Variants in ELAPOR2 observed in about 807,000 individuals in gnomAD.
ELAPOR2 encodes endosome/lysosome-associated apoptosis and autophagy regulator family member 2.
A neutral mutation model predicts 120.7 loss-of-function variants in ELAPOR2; 89 were observed. The ratio of observed to expected loss-of-function variants is 0.74; its 90% CI spans 0.62 to 0.88. ELAPOR2 has a LOEUF of 0.88. Among genes scored for constraint, ELAPOR2 ranks in the 40% least tolerant of loss-of-function variants. ELAPOR2 has a pLI of 0.00. For missense variants in ELAPOR2, 1,134 were observed against 1,251.6 expected, an observed-to-expected ratio of 0.91 and a Z score of 1.42; for synonymous variants, 444 against 444.9, an observed-to-expected ratio of 1.00 and a Z score of 0.03.
intron 1 of ELAPOR2, among the ~76,000 whole-genome samples, chr7:87,059,102 A>T (rs992939819): frequency 4.6e-5 from 7 of 151,880 alleles, no homozygotes; most frequent in African/African-American, 1.7e-4. Context: ...AAAAGACACA[A>T]GCGCGGACAG....
At chr7:86,880,928 G>A (rs1330828572) in intron 21 of ELAPOR2, among the ~76,000 whole-genome samples, 1 of 151,756 alleles carries the variant, frequency 6.6e-6, no homozygotes, top group Non-Finnish European at 1.5e-5. Flanking sequence ...GATAATATAG[G>A]CAGAATAATA....
In ELAPOR2 at chr7:86,909,898, C is replaced by T. The variant is rs1554383222; in HGVS notation, c.2273G>A (p.Cys758Tyr). ...TTCAGAAGGAATAATTGTTGACTGG[C>T]ATACAAATGCCCCTACCAAATTTGT... ...DYTNLVGAFV[C>Y]QSTIIPSESK... Residue 758 changes from cysteine (C) to tyrosine (Y), a missense_variant, in exon 16 of 22, where the codon TGC (cysteine) becomes TAC (tyrosine). By Grantham distance (194) the Cys-to-Tyr change is radical (BLOSUM62 -2). This residue lies in a region of ELAPOR2 where 831 missense variants were observed against 867.6 expected (regional missense o/e 0.96). Coordinates refer to ENST00000450689, the MANE Select transcript of ELAPOR2 (RefSeq NM_001142749.3). 6.2e-7 allele frequency: 1 copy of T among 1,613,282 alleles called. No individual in the cohort carries two copies. Among genetic ancestry groups the T allele is most frequent in the Non-Finnish European group, 8.5e-7 (1 of 1,179,532 alleles).
At chr7:87,045,331 G>C (rs1476927115) in intron 1 of ELAPOR2, among the ~76,000 whole-genome samples, 2 of 148,318 alleles carry the variant, frequency 1.3e-5, no homozygotes, top group Admixed American at 6.7e-5. Context: ...CGGCATTATT[G>C]ACAATAGCAA....
chr7:86,896,096 A>G lies in ELAPOR2; in HGVS notation c.2685+1410T>C, dbSNP rs569145506. 2.6e-5 allele frequency among the ~76,000 whole-genome samples: 4 copies of G among 152,216 alleles called. No individual in the cohort carries two copies. The East Asian group carries it at 5.8e-4, about 22-fold the overall frequency. On this transcript the variant is annotated intron_variant, in intron 19 of 21. Transcript: ENST00000450689. ...AAATAAGCCATCTACGAGGATACACATTTGACAAATTAAATAACACATTTC... is the reference window on the plus strand; with the variant it reads ...AAATAAGCCATCTACGAGGATACACGTTTGACAAATTAAATAACACATTTC...
chr7:86,916,955 AT>A (rs58682563), intron 12 of ELAPOR2, among the ~76,000 whole-genome samples: 1,019 of 86,666 alleles, frequency 0.012, 9 homozygotes, highest in African/African-American at 0.045. Flanking sequence ...TGGCCAGCTA[AT>A]TTTTTTTTTT....
chr7:86,944,795 A>G, intron 4 of ELAPOR2, 104 bp downstream of exon 4: 1 of 934,398 alleles, frequency 1.1e-6, no homozygotes, highest in Admixed American at 3.5e-5. Flanking sequence ...CACACACACA[A>G]AAAAAAAACT....
At chr7:87,024,363 C>T (rs1274451058) in intron 1 of ELAPOR2, among the ~76,000 whole-genome samples, 16 of 152,168 alleles carry the variant, frequency 1.1e-4, no homozygotes, top group African/African-American at 3.9e-4. Flanking sequence ...TGCTGGATTA[C>T]GTTTATTGAT....
intron 1 of ELAPOR2, among the ~76,000 whole-genome samples, chr7:86,978,180 G>A (rs950316844): frequency 5.9e-5 from 9 of 152,142 alleles, no homozygotes; most frequent in Admixed American, 2.0e-4. Context: ...AGCATCTGGC[G>A]TTTCCACTGC....
intron 1 of ELAPOR2, among the ~76,000 whole-genome samples, chr7:86,974,327 C>A (rs1353931037): frequency 1.3e-5 from 2 of 152,030 alleles, no homozygotes; most frequent in Non-Finnish European, 2.9e-5. Flanking sequence ...CCCCGTGATA[C>A]CTCAATTCCA....
chr7:86,877,059 C>T lies in ELAPOR2; in HGVS notation c.*3412G>A, dbSNP rs902001516. 1.3e-5 allele frequency: 2 copies of T among 152,138 alleles called. No individual in the cohort carries two copies. The highest frequency in any genetic ancestry group is 2.4e-5 in the African/African-American group (1 of 41,532). 9.4% of individuals were successfully genotyped at this position (152,138 alleles called of 1,614,324 possible). On this transcript the variant is annotated 3_prime_UTR_variant, in exon 22 of 22. Transcript: ENST00000450689. ...AGCCAAAACTATGTACTATCTGACC[C>T]TTTACAAAAAAAATGTTTGCTGGGC...
intron 1 of ELAPOR2, among the ~76,000 whole-genome samples, chr7:87,037,110 C>A (rs1406990886): frequency 6.6e-6 from 1 of 151,978 alleles, no homozygotes; most frequent in African/African-American, 2.4e-5. Context: ...CTGCTTGCTT[C>A]TTAAATGCTG....
chr7:87,027,350 C>G (rs746455844), intron 1 of ELAPOR2, among the ~76,000 whole-genome samples: 4 of 152,112 alleles, frequency 2.6e-5, no homozygotes, highest in Non-Finnish European at 5.9e-5. Flanking sequence ...TTTCAAATGA[C>G]ACATACGACT....
chr7:86,985,165 A>C (rs762742284), intron 1 of ELAPOR2, among the ~76,000 whole-genome samples: 7 of 152,204 alleles, frequency 4.6e-5, no homozygotes, highest in Non-Finnish European at 8.8e-5. Context: ...CTCTGAATAG[A>C]CCAATAACAG....
chr7:86,926,920 C>CAAAAAA lies in ELAPOR2; in HGVS notation c.1090-10_1090-5dup, dbSNP rs397698585. The CAAAAAA allele has an allele frequency of 9.4e-5, 84 of 891,132 alleles. No individual in the cohort carries two copies. The highest frequency in any genetic ancestry group is 2.9e-4 in the African/African-American group (10 of 34,286). 55.2% of individuals were successfully genotyped at this position (891,132 alleles called of 1,614,324 possible). On this transcript the variant is annotated splice_polypyrimidine_tract_variant and splice_region_variant and intron_variant, in intron 8 of 21. Coordinates refer to ENST00000450689, the MANE Select transcript of ELAPOR2 (RefSeq NM_001142749.3). ...TCCACTTGTACATTATCTGTGTCTA[C>CAAAAAA]AAAAAAAAAAAAAAAAAAAAAGCAA...
At chr7:86,900,952 T>A (rs926255801) in intron 18 of ELAPOR2, among the ~76,000 whole-genome samples, 1 of 152,180 alleles carries the variant, frequency 6.6e-6, no homozygotes, top group Non-Finnish European at 1.5e-5. Context: ...TCCCTTTGAT[T>A]ACTTGTCCTA....
intron 8 of ELAPOR2, among the ~76,000 whole-genome samples, chr7:86,937,693 T>C (rs1196650087): frequency 6.6e-6 from 1 of 152,068 alleles, no homozygotes; most frequent in Non-Finnish European, 1.5e-5. Flanking sequence ...TATAAGAACT[T>C]TCCATCCTGT....
At chr7:87,008,296 A>C (rs1454492198) in intron 1 of ELAPOR2, among the ~76,000 whole-genome samples, 2 of 152,204 alleles carry the variant, frequency 1.3e-5, no homozygotes, top group African/African-American at 4.8e-5. Flanking sequence ...TTTCAGAAGT[A>C]TCAACATCAA....
intron 1 of ELAPOR2, among the ~76,000 whole-genome samples, chr7:87,053,973 T>A (rs1180377727): frequency 6.6e-6 from 1 of 152,204 alleles, no homozygotes; most frequent in Admixed American, 6.5e-5. Context: ...TGATGTGTGG[T>A]TTTGTTTTAA....
At chr7:86,927,891 A>C (rs1223754175) in intron 8 of ELAPOR2, among the ~76,000 whole-genome samples, 1 of 152,012 alleles carries the variant, frequency 6.6e-6, no homozygotes, top group African/African-American at 2.4e-5. Context: ...CCTTTAAAAC[A>C]ACTTCTGCAA....
Sources: gnomAD v4.1 joint callset for allele counts (sites outside exome capture counted in the v4.1 genomes callset) on GRCh38, gnomAD v4.1.1 for gene constraint, gnomAD v4.1.1 regional missense constraint, MANE v1.5 for transcripts, NCBI Gene and HGNC (gene_info 2026-07-23, HGNC 2026-07-21) for gene names.